The following CACNA1C variants were observed in gnomAD, a reference collection of about 807,000 sequenced individuals.
The protein encoded by CACNA1C is calcium voltage-gated channel subunit alpha1 C.
CACNA1C carries 30 observed loss-of-function variants against 229.0 expected under a neutral mutation model. That is an observed-to-expected ratio of 0.13 (90% CI 0.10 to 0.18). The LOEUF is 0.18. Ranked by LOEUF, CACNA1C falls within the 10% of genes least tolerant of loss-of-function variation. The pLI, the probability that CACNA1C is intolerant of heterozygous loss-of-function variation, is 1.00. For missense variants in CACNA1C, 1,658 were observed against 2,845.0 expected, an observed-to-expected ratio of 0.58 and a Z score of 9.49; for synonymous variants, 1,114 against 1,132.5, an observed-to-expected ratio of 0.98 and a Z score of 0.33.
At chr12:2,573,631 C>A (rs1324750126) in intron 13 of CACNA1C, among the ~76,000 whole-genome samples, 1 of 152,180 alleles carries the variant, frequency 6.6e-6, no homozygotes, top group Non-Finnish European at 1.5e-5. Flanking sequence ...GTCCAAGGGT[C>A]GGGAACAGGG....
At chr12:1,983,225 G>GC (rs71057812) in intron 1 of CACNA1C, among the ~76,000 whole-genome samples, 1 of 150,812 alleles carries the variant, frequency 6.6e-6, no homozygotes. Context: ...TCTCTAAACA[G>GC]TTTTTTTGTT....
intron 3 of CACNA1C, among the ~76,000 whole-genome samples, chr12:2,421,014 A>T (rs1359733587): frequency 6.6e-6 from 1 of 152,208 alleles, no homozygotes; most frequent in Non-Finnish European, 1.5e-5. Context: ...CATAATAGCT[A>T]AGAAGGTAAA....
At chr12:2,245,427 T>C (rs935633880) in intron 3 of CACNA1C, among the ~76,000 whole-genome samples, 4 of 152,120 alleles carry the variant, frequency 2.6e-5, no homozygotes, top group African/African-American at 9.7e-5. Context: ...GTGTTTCAGG[T>C]GCTTTATAAT....
chr12:2,615,371 G>A (rs1211955193), intron 29 of CACNA1C, among the ~76,000 whole-genome samples: 1 of 152,154 alleles, frequency 6.6e-6, no homozygotes, highest in Non-Finnish European at 1.5e-5. Context: ...CAATGCCTGG[G>A]GAAAAAGTCT....
intron 3 of CACNA1C, among the ~76,000 whole-genome samples, chr12:2,411,831 A>C (rs2154553648): frequency 6.6e-6 from 1 of 152,356 alleles, no homozygotes; most frequent in South Asian, 2.1e-4. Flanking sequence ...CATCCTTCTG[A>C]AGCTCTGCCC....
At chr12:2,594,898 T>G (rs1357083022) in intron 19 of CACNA1C, among the ~76,000 whole-genome samples, 3 of 152,224 alleles carry the variant, frequency 2.0e-5, no homozygotes, top group Non-Finnish European at 1.5e-5. Context: ...CAAGACTGGC[T>G]TAACCTGCAA....
At chr12:2,137,071 C>T (rs947131276) in intron 3 of CACNA1C, among the ~76,000 whole-genome samples, 1 of 151,354 alleles carries the variant, frequency 6.6e-6, no homozygotes, top group South Asian at 2.1e-4. Context: ...CGGCGCCCCG[C>T]CCAGGTGAGA....
In CACNA1C at chr12:2,677,392, G is replaced by A. The variant is rs978604813; in HGVS notation, c.4956+171G>A. 4.2e-6 allele frequency: 3 copies of A among 720,420 alleles called. No homozygotes were observed. The highest frequency in any genetic ancestry group is 3.6e-5 in the African/African-American group (2 of 56,110). The allele number at this position is 720,420 out of a possible 1,614,324, so 44.6% of individuals were successfully genotyped here. A position where few individuals can be genotyped will look rare whatever the true frequency, so the allele number is the denominator to read the frequency against. On this transcript the variant is annotated intron_variant, in intron 40 of 46. Coordinates refer to ENST00000399655, the MANE Select transcript of CACNA1C (RefSeq NM_000719.7). The surrounding 1 kb of genome is among the most constrained non-coding windows in gnomAD (Gnocchi z 7.4). ...GATGGCTGTGAGAAGGGGGTGATGTGCCCTTCCCTACCTGCCACCCACCGA... is the reference window on the plus strand; with the variant it reads ...GATGGCTGTGAGAAGGGGGTGATGTACCCTTCCCTACCTGCCACCCACCGA...
chr12:2,328,008 A>G (rs1442009272), intron 3 of CACNA1C, among the ~76,000 whole-genome samples: 2 of 152,216 alleles, frequency 1.3e-5, no homozygotes, highest in African/African-American at 4.8e-5. Context: ...GTAGGAGAAC[A>G]TATCTTCCAG....
At chr12:2,443,272 A>G (rs558240439) in intron 3 of CACNA1C, among the ~76,000 whole-genome samples, 1 of 152,320 alleles carries the variant, frequency 6.6e-6, no homozygotes, top group African/African-American at 2.4e-5. Flanking sequence ...GTCAAAAGAA[A>G]GGGGTCACAG....
At chr12:2,211,426 C>G (rs918838373) in intron 3 of CACNA1C, among the ~76,000 whole-genome samples, 1 of 152,336 alleles carries the variant, frequency 6.6e-6, no homozygotes, top group South Asian at 2.1e-4. Context: ...TGGACTCTAA[C>G]TTCTCTAGAG....
At chr12:2,004,312 C>G in intron 1 of CACNA1C, 2 of 1,613,370 alleles carry the variant, frequency 1.2e-6, no homozygotes, top group Non-Finnish European at 1.7e-6. Flanking sequence ...CGAAGGTGTA[C>G]AGAGCCACCT....
intron 6 of CACNA1C, among the ~76,000 whole-genome samples, chr12:2,492,973 T>G (rs1276433039): frequency 5.9e-5 from 9 of 152,230 alleles, no homozygotes; most frequent in Non-Finnish European, 1.3e-4. Context: ...GGACTGACCT[T>G]CTAAATTAAC....
intron 3 of CACNA1C, among the ~76,000 whole-genome samples, chr12:2,240,541 G>A (rs142449386): frequency 7.2e-4 from 109 of 152,264 alleles, no homozygotes; most frequent in Middle Eastern, 3.4e-3. Flanking sequence ...TGGTGACAGC[G>A]GCCTGAGCCA....
chr12:2,311,857 C>T (rs572483174), intron 3 of CACNA1C, among the ~76,000 whole-genome samples: 15 of 152,096 alleles, frequency 9.9e-5, no homozygotes, highest in African/African-American at 2.4e-4. Context: ...TGCATAATAA[C>T]GTGAATATAC....
At chr12:2,216,318 A>G (rs1385577538) in intron 3 of CACNA1C, among the ~76,000 whole-genome samples, 1 of 152,152 alleles carries the variant, frequency 6.6e-6, no homozygotes, top group Non-Finnish European at 1.5e-5. Flanking sequence ...TGAAGGACTG[A>G]GTAGGCCTAG....
chr12:2,015,499 C>A (rs896229886), intron 1 of CACNA1C, among the ~76,000 whole-genome samples: 1 of 152,184 alleles, frequency 6.6e-6, no homozygotes, highest in African/African-American at 2.4e-5. Flanking sequence ...TAGGTGGCTT[C>A]AGCCACCTCT....
At chr12:2,259,113 A>G (rs1056506479) in intron 3 of CACNA1C, among the ~76,000 whole-genome samples, 2 of 152,130 alleles carry the variant, frequency 1.3e-5, no homozygotes, top group Admixed American at 6.5e-5. Flanking sequence ...TTTCTTTTCC[A>G]TTTAAGGAAA....
At chr12:2,283,755 C>G (rs369080431) in intron 3 of CACNA1C, among the ~76,000 whole-genome samples, 3 of 152,148 alleles carry the variant, frequency 2.0e-5, no homozygotes, top group Non-Finnish European at 2.9e-5. Flanking sequence ...AGGATGCTGC[C>G]GTCTGGTCCG....
Sources: allele counts gnomAD v4.1 joint callset (sites outside exome capture counted in the v4.1 genomes callset), GRCh38; gene constraint gnomAD v4.1.1; non-coding constraint Gnocchi (gnomAD v3.1); transcripts MANE v1.5; gene names NCBI Gene and HGNC (gene_info 2026-07-23, HGNC 2026-07-21).